The following KANSL1L variants were observed in gnomAD, a reference collection of about 807,000 sequenced individuals.
KANSL1L encodes KAT8 regulatory NSL complex subunit 1-like protein.
Under a neutral mutation model 108.6 loss-of-function variants are expected in KANSL1L, and 25 were observed. That is an observed-to-expected ratio of 0.23 (90% CI 0.17 to 0.32). The LOEUF (loss-of-function observed/expected upper bound fraction) is 0.32. Ranked by LOEUF, KANSL1L falls within the 10% of genes least tolerant of loss-of-function variation. The pLI, the probability that KANSL1L is intolerant of heterozygous loss-of-function variation, is 1.00. For missense variants in KANSL1L, 1,137 were observed against 1,125.7 expected, an observed-to-expected ratio of 1.01 and a Z score of -0.14; for synonymous variants, 405 against 395.1, an observed-to-expected ratio of 1.03 and a Z score of -0.30.
intron 2 of KANSL1L, among the ~76,000 whole-genome samples, chr2:210,143,382 T>TA (rs776239531): frequency 1.3e-5 from 2 of 152,036 alleles, no homozygotes; most frequent in African/African-American, 2.4e-5. Flanking sequence ...AGCTGGGTCT[T>TA]AAAAAAAATC....
chr2:210,066,233 A>T (rs2094466123), intron 6 of KANSL1L, among the ~76,000 whole-genome samples: 1 of 152,198 alleles, frequency 6.6e-6, no homozygotes, highest in Non-Finnish European at 1.5e-5. Context: ...AAGCCCAGCT[A>T]TTCCAGCCCA....
intron 4 of KANSL1L, among the ~76,000 whole-genome samples, chr2:210,100,616 A>G (rs1006734422): frequency 2.0e-5 from 3 of 151,636 alleles, no homozygotes; most frequent in Non-Finnish European, 4.4e-5. Flanking sequence ...CACTTAACTC[A>G]CTCCTAGACT....
At chr2:210,099,639 C>A (rs909705030) in intron 4 of KANSL1L, among the ~76,000 whole-genome samples, 2 of 152,122 alleles carry the variant, frequency 1.3e-5, no homozygotes, top group African/African-American at 4.8e-5. Context: ...TATCTCACAT[C>A]TTCCGGTTGG....
chr2:210,044,480 A>C lies in KANSL1L; in HGVS notation c.1756-376T>G, dbSNP rs1223281581. Among the ~76,000 whole-genome samples the C allele has an allele frequency of 2.0e-5, 3 of 151,964 alleles. No homozygotes were observed. The highest frequency in any genetic ancestry group is 7.2e-5 in the African/African-American group (3 of 41,382). ...CCAACCATGCTGGATGGGTTCACCAATTCAATAATGAATAAAAATGATCAA... is the reference window on the plus strand; with the variant it reads ...CCAACCATGCTGGATGGGTTCACCACTTCAATAATGAATAAAAATGATCAA... On this transcript the variant is annotated intron_variant, in intron 6 of 14. Transcript: ENST00000281772. The surrounding 1 kb of genome is among the most constrained non-coding windows in gnomAD (Gnocchi z 4.2).
intron 5 of KANSL1L, among the ~76,000 whole-genome samples, chr2:210,082,558 T>G (rs547469666): frequency 6.6e-6 from 1 of 152,160 alleles, no homozygotes; most frequent in Non-Finnish European, 1.5e-5. Flanking sequence ...TATGGAAAAA[T>G]AGACGAATAC....
intron 4 of KANSL1L, among the ~76,000 whole-genome samples, chr2:210,099,070 C>G (rs1193482497): frequency 2.0e-5 from 3 of 151,944 alleles, no homozygotes; most frequent in Non-Finnish European, 4.4e-5. Flanking sequence ...AAAAGAGAGT[C>G]ATCTGTAATC....
At chr2:210,033,076 A>G (rs1184430595) in intron 8 of KANSL1L, among the ~76,000 whole-genome samples, 1 of 152,250 alleles carries the variant, frequency 6.6e-6, no homozygotes, top group Non-Finnish European at 1.5e-5. Context: ...ACAGAGTGAT[A>G]GAAAATATGG....
chr2:210,083,178 AAAG>A (rs1025827587), intron 5 of KANSL1L, among the ~76,000 whole-genome samples: 8 of 152,188 alleles, frequency 5.3e-5, no homozygotes, highest in Non-Finnish European at 8.8e-5. Flanking sequence ...AGGAAGAGGC[AAAG>A]AAGGATTCCC....
chr2:210,135,883 A>C (rs2095169414), intron 2 of KANSL1L, among the ~76,000 whole-genome samples: 1 of 152,204 alleles, frequency 6.6e-6, no homozygotes, highest in Non-Finnish European at 1.5e-5. Flanking sequence ...CTTTAAGATG[A>C]GCCTTACTGA....
chr2:210,039,408 T>C (rs1490195339), intron 8 of KANSL1L, among the ~76,000 whole-genome samples: 1 of 151,936 alleles, frequency 6.6e-6, no homozygotes, highest in Non-Finnish European at 1.5e-5. Context: ...TAACAGAATT[T>C]ATTCCTTTAC....
intron 7 of KANSL1L, among the ~76,000 whole-genome samples, chr2:210,042,359 A>T (rs1239069754): frequency 6.6e-6 from 1 of 152,230 alleles, no homozygotes; most frequent in African/African-American, 2.4e-5. Flanking sequence ...GATATCATGA[A>T]ATAGTAGATA....
chr2:210,114,074 CA>C (rs1253607880), intron 3 of KANSL1L, among the ~76,000 whole-genome samples: 2 of 152,018 alleles, frequency 1.3e-5, no homozygotes, highest in Non-Finnish European at 2.9e-5. Flanking sequence ...TTACAAATAT[CA>C]AAAGCTGAAT....
At chr2:210,086,525 C>T (rs953706839) in intron 5 of KANSL1L, among the ~76,000 whole-genome samples, 20 of 149,676 alleles carry the variant, frequency 1.3e-4, no homozygotes, top group African/African-American at 4.4e-4. Flanking sequence ...CTTTTCTAGG[C>T]GATATTGTTA....
chr2:210,156,866 C>A (rs549756318), intron 1 of KANSL1L, among the ~76,000 whole-genome samples: 1 of 151,836 alleles, frequency 6.6e-6, no homozygotes. Context: ...TTTATGTATA[C>A]ACTTTATTGT....
intron 3 of KANSL1L, among the ~76,000 whole-genome samples, chr2:210,128,681 CACA>C (rs1289936850): frequency 6.6e-6 from 1 of 152,000 alleles, no homozygotes; most frequent in Non-Finnish European, 1.5e-5. Context: ...GCGACAGATG[CACA>C]ACATTACAAA....
chr2:210,026,560 G>A (rs1203850643), intron 12 of KANSL1L, among the ~76,000 whole-genome samples: 5 of 152,174 alleles, frequency 3.3e-5, no homozygotes, highest in East Asian at 1.9e-4. Flanking sequence ...CAGGTATTAC[G>A]TGATATGTTT....
chr2:210,085,126 GATA>G (rs1254447181), intron 5 of KANSL1L, among the ~76,000 whole-genome samples: 4 of 152,104 alleles, frequency 2.6e-5, no homozygotes, highest in African/African-American at 9.7e-5. Context: ...TATTAAATGT[GATA>G]ATAAAGTGGT....
intron 6 of KANSL1L, among the ~76,000 whole-genome samples, chr2:210,059,414 TAGTA>T (rs2094395626): frequency 2.6e-5 from 4 of 151,856 alleles, no homozygotes; most frequent in African/African-American, 9.7e-5. Context: ...GAAAACAAAG[TAGTA>T]AGTAATTTGC....
At chr2:210,028,696 G>C in intron 11 of KANSL1L, 149 bp downstream of exon 11, 1 of 607,374 alleles carries the variant, frequency 1.6e-6, no homozygotes, top group South Asian at 2.2e-5. Flanking sequence ...CTTAAGGCAC[G>C]AGTAATTTTT....
Sources: allele counts gnomAD v4.1 joint callset (sites outside exome capture counted in the v4.1 genomes callset), GRCh38; gene constraint gnomAD v4.1.1; non-coding constraint Gnocchi (gnomAD v3.1); transcripts MANE v1.5; gene names NCBI Gene and HGNC (gene_info 2026-07-23, HGNC 2026-07-21).